Variants in DZANK1 observed in about 807,000 individuals in gnomAD.
DZANK1 encodes the protein double zinc ribbon and ankyrin repeat-containing protein 1.
Under a neutral mutation model 94.5 loss-of-function variants are expected in DZANK1, and 91 were observed. That is an observed-to-expected ratio of 0.96 (90% confidence interval 0.81 to 1.15). The LOEUF is 1.15. Among genes scored for constraint, DZANK1 ranks in the 50% most tolerant of loss-of-function variants. The pLI is 0.00. For missense variants in DZANK1, 903 were observed against 916.4 expected, an observed-to-expected ratio of 0.99 and a Z score of 0.19; for synonymous variants, 312 against 325.3, an observed-to-expected ratio of 0.96 and a Z score of 0.44.
chr20:18,412,728 T>C, exon 13 of DZANK1: 2 of 1,613,774 alleles, frequency 1.2e-6, no homozygotes, highest in East Asian at 2.2e-5. Flanking sequence ...CTAGTTCCTG[T>C]TCCTTTTTTG....
chr20:18,385,258 T>C (rs2048413615), intron 19 of DZANK1, among the ~76,000 whole-genome samples, 168 bp from the exon 20 acceptor site: 1 of 151,728 alleles, frequency 6.6e-6, no homozygotes, highest in Admixed American at 6.6e-5. Context: ...AATACTGTGA[T>C]GGAGGGTAAG....
intron 9 of DZANK1, among the ~76,000 whole-genome samples, chr20:18,430,451 C>G (rs1176952646): frequency 6.6e-6 from 1 of 152,206 alleles, no homozygotes; most frequent in African/African-American, 2.4e-5. Context: ...AGTAGCTCTT[C>G]TTGATAAATG....
rs1339792520 is a variant in DZANK1, at chr20:18,452,640, GA to G, written c.517del (p.Ser173LeufsTer16). The G allele has an allele frequency of 1.3e-6, 2 of 1,597,900 alleles. No individual in the cohort carries two copies. Among genetic ancestry groups the G allele is most frequent in the African/African-American group, 2.7e-5 (2 of 74,708 alleles). ...CTGGGACTGGCGGGTGGGTGGTCTA[GA>G]ACCTGATCCTCCACCATAAGCTGGG... On this transcript the variant is annotated frameshift_variant, in exon 6 of 21. Coordinates refer to ENST00000262547, the Ensembl canonical transcript of DZANK1. LOFTEE classifies it high-confidence loss of function.
rs981798070 is a variant in DZANK1, at chr20:18,433,513, G to A, written c.861+139C>T. The A allele has an allele frequency of 3.4e-5, 24 of 698,788 alleles. 1 individual carries two copies. Among genetic ancestry groups the A allele is most frequent in the Non-Finnish European group, 5.5e-5 (23 of 417,236 alleles). The allele number at this position is 698,788 out of a possible 1,614,324, so 43.3% of individuals were successfully genotyped here. A position where few individuals can be genotyped will look rare whatever the true frequency, so the allele number is the denominator to read the frequency against. Reference sequence around the variant, plus strand: ...GCTGAGATTGCGCTACTGCACTCCAGCCTGTGTGACAGAACAAGATTCTGT... The same window carrying A: ...GCTGAGATTGCGCTACTGCACTCCAACCTGTGTGACAGAACAAGATTCTGT... On this transcript the variant is annotated intron_variant, in intron 9 of 20. Transcript: ENST00000262547.
chr20:18,384,122 C>T (rs1476378478), exon 21 of DZANK1: 14 of 227,080 alleles, frequency 6.2e-5, no homozygotes, highest in East Asian at 4.9e-4. Flanking sequence ...TGCGATGGCG[C>T]GATCTTGGCT....
At chr20:18,425,119 T>A (rs1292798067) in intron 10 of DZANK1, among the ~76,000 whole-genome samples, 1 of 152,214 alleles carries the variant, frequency 6.6e-6, no homozygotes, top group Non-Finnish European at 1.5e-5. Flanking sequence ...TGGCTATATA[T>A]AATTACCAAC....
intron 6 of DZANK1, among the ~76,000 whole-genome samples, chr20:18,451,315 C>A (rs948881462): frequency 2.0e-5 from 3 of 152,302 alleles, no homozygotes; most frequent in South Asian, 2.1e-4. Context: ...AATTGTCTGT[C>A]TTTATCTAAT....
intron 9 of DZANK1, among the ~76,000 whole-genome samples, chr20:18,428,419 C>CAAA: frequency 6.6e-6 from 1 of 152,114 alleles, no homozygotes; most frequent in East Asian, 2.0e-4. Context: ...AAACTCCTGG[C>CAAA]CTCGTGATCT....
Position 18,452,683 on chromosome 20 carries a change from C to T in DZANK1, c.476-1G>A, listed in dbSNP as rs1234552070. 1 of 1,607,712 alleles carries T rather than the reference C, an allele frequency of 6.2e-7. No homozygotes were observed. Among genetic ancestry groups the T allele is most frequent in the Non-Finnish European group, 8.5e-7 (1 of 1,177,066 alleles). ...TAAGCTGGGATTTCCAATGGACTCT[C>T]TGAAAAGTGAAGATCTTTCAAAGTT... On this transcript the variant is annotated splice_acceptor_variant, in intron 5 of 20. Coordinates refer to ENST00000262547, the Ensembl canonical transcript of DZANK1. LOFTEE classifies it high-confidence loss of function.
chr20:18,398,456 G>T, intron 14 of DZANK1, 67 bp downstream of exon 14: 2 of 1,459,062 alleles, frequency 1.4e-6, no homozygotes, highest in Non-Finnish European at 1.9e-6. Flanking sequence ...TTCAGGCAAA[G>T]TCCATGGAGG....
chr20:18,448,862 G>A (rs937206793), intron 7 of DZANK1, 122 bp downstream of exon 7: 20 of 628,700 alleles, frequency 3.2e-5, no homozygotes, highest in Middle Eastern at 4.7e-4. Context: ...GTGAGACTCC[G>A]TCTCAAAAAA....
intron 8 of DZANK1, among the ~76,000 whole-genome samples, chr20:18,435,844 T>TA (rs1422251360): frequency 1.3e-5 from 2 of 151,444 alleles, no homozygotes; most frequent in East Asian, 1.9e-4. Flanking sequence ...AAAAAAAATT[T>TA]AAAAAAAATA....
intron 10 of DZANK1, among the ~76,000 whole-genome samples, chr20:18,424,883 A>G (rs73123108): frequency 0.077 from 11,654 of 152,250 alleles, 628 homozygotes; most frequent in Non-Finnish European, 0.11. Context: ...AAAAATCAAT[A>G]CATGCAACAA....
At chr20:18,394,654 G>A (rs777705815) in intron 15 of DZANK1, 1 of 579,314 alleles carries the variant, frequency 1.7e-6, no homozygotes. Flanking sequence ...CAGCCTCCCT[G>A]CATGTGGCTG....
chr20:18,432,103 A>G (rs890866913), intron 9 of DZANK1, among the ~76,000 whole-genome samples: 1 of 152,204 alleles, frequency 6.6e-6, no homozygotes. Flanking sequence ...GGGAAAAATT[A>G]CTTACATGTA....
chr20:18,397,570 G>A (rs942503866), intron 14 of DZANK1, among the ~76,000 whole-genome samples: 9 of 152,158 alleles, frequency 5.9e-5, no homozygotes, highest in East Asian at 5.8e-4. Flanking sequence ...TATCAACTGC[G>A]GTGTGAAAAA....
intron 10 of DZANK1, chr20:18,420,169 T>C (rs184959352): frequency 5.0e-6 from 1 of 201,794 alleles, no homozygotes; most frequent in Non-Finnish European, 1.1e-5. Flanking sequence ...GTCAGTGTTT[T>C]AAAGTCTCCA....
exon 21 of DZANK1, chr20:18,384,513 G>T: frequency 6.2e-7 from 1 of 1,611,152 alleles, no homozygotes; most frequent in Non-Finnish European, 8.5e-7. Flanking sequence ...TCAGAGCCAG[G>T]TCGTATGCTG....
exon 13 of DZANK1, chr20:18,412,827 A>G (rs2148437565): frequency 3.1e-6 from 5 of 1,614,024 alleles, no homozygotes; most frequent in Non-Finnish European, 4.2e-6. Context: ...GCAAAGGAAT[A>G]TTCAGGGACT....
Sources: allele counts gnomAD v4.1 joint callset (sites outside exome capture counted in the v4.1 genomes callset), GRCh38; gene constraint gnomAD v4.1.1; transcripts MANE v1.5; gene names NCBI Gene and HGNC (gene_info 2026-07-23, HGNC 2026-07-21).